KCNH1: variants seen among roughly 807,000 people sequenced by gnomAD.
KCNH1 encodes the protein potassium voltage-gated channel subfamily H member 1.
Under a neutral mutation model 69.2 loss-of-function variants are expected in KCNH1, and 27 were observed. That is an observed-to-expected ratio of 0.39 (90% CI 0.29 to 0.54). The LOEUF is 0.54. Among genes scored for constraint, KCNH1 ranks in the 20% least tolerant of loss-of-function variants. The pLI, the probability that KCNH1 is intolerant of heterozygous loss-of-function variation, is 0.68. For missense variants in KCNH1, 798 were observed against 1,261.6 expected (o/e 0.63, Z 5.57); for synonymous variants, 456 against 487.7 (o/e 0.93, Z 0.86).
chr1:210,685,945 CA>C (rs1681399919), intron 10 of KCNH1, among the ~76,000 whole-genome samples: 1 of 152,220 alleles, frequency 6.6e-6, no homozygotes, highest in Non-Finnish European at 1.5e-5. Context: ...AAGTTTCTGT[CA>C]CTGGCTGACT....
chr1:210,726,575 T>C lies in KCNH1; in HGVS notation c.2113-42437A>G, dbSNP rs372667657. Reference sequence around the variant, plus strand: ...GCTAGTTCACAGCCCAGAGACAAATTTTCTGTGGACAGAGCCTGTGCTCCC... The same window carrying C: ...GCTAGTTCACAGCCCAGAGACAAATCTTCTGTGGACAGAGCCTGTGCTCCC... On this transcript the variant is annotated intron_variant, in intron 10 of 10. Transcript: ENST00000271751. 1.6e-4 allele frequency among the ~76,000 whole-genome samples: 25 copies of C among 152,230 alleles called. No individual in the cohort carries two copies. In the East Asian group the frequency reaches 2.3e-3, roughly 14 times the overall value.
intron 7 of KCNH1, chr1:210,861,678 G>A (rs1685981751): frequency 1.3e-6 from 1 of 773,202 alleles, no homozygotes; most frequent in African/African-American, 1.7e-5. Flanking sequence ...AGAAGATCTT[G>A]AATATTTGTT....
chr1:211,086,259 G>A (rs968091784), intron 4 of KCNH1, among the ~76,000 whole-genome samples: 5 of 152,208 alleles, frequency 3.3e-5, no homozygotes, highest in Admixed American at 1.3e-4. Context: ...AAGGATAGGC[G>A]GTCCATTTCA....
chr1:210,739,422 C>G (rs545562674), intron 10 of KCNH1, among the ~76,000 whole-genome samples: 3 of 152,164 alleles, frequency 2.0e-5, no homozygotes, highest in Non-Finnish European at 2.9e-5. Flanking sequence ...GGGAGCCCCC[C>G]CAAGCAACAG....
chr1:210,842,915 C>T (rs1390627900), intron 7 of KCNH1, among the ~76,000 whole-genome samples: 2 of 152,306 alleles, frequency 1.3e-5, no homozygotes, highest in East Asian at 3.9e-4. Flanking sequence ...CAGTTTGCCA[C>T]AAGAACTCTA....
At position 210,679,935 on chromosome 1, in the gene KCNH1, G is replaced by T. The variant is rs549068894; in HGVS notation, c.*3346C>A. The T allele has an allele frequency of 1.4e-5, 2 of 147,684 alleles. No individual in the cohort carries two copies. The highest frequency in any genetic ancestry group is 1.3e-4 in the Admixed American group (2 of 14,864). 9.1% of individuals were successfully genotyped at this position (147,684 alleles called of 1,614,324 possible). On this transcript the variant is annotated 3_prime_UTR_variant, in exon 11 of 11. Coordinates refer to ENST00000271751, the MANE Select transcript of KCNH1 (RefSeq NM_172362.3). ...AACCTTATTAGCATAATGTAGCATT[G>T]CATTAATGCAATGAGTTGCATTCAT...
chr1:210,700,595 A>C (rs1156851530), intron 10 of KCNH1, among the ~76,000 whole-genome samples: 1 of 152,156 alleles, frequency 6.6e-6, no homozygotes, highest in Non-Finnish European at 1.5e-5. Context: ...TGCTATTTAC[A>C]TCTGTGGAAA....
At chr1:211,030,402 G>A (rs1289791875) in intron 5 of KCNH1, among the ~76,000 whole-genome samples, 1 of 152,074 alleles carries the variant, frequency 6.6e-6, no homozygotes, top group Admixed American at 6.6e-5. Context: ...TGTGGTATTG[G>A]AAAAAGAATA....
At chr1:211,041,945 G>A (rs1690003938) in intron 5 of KCNH1, among the ~76,000 whole-genome samples, 2 of 152,078 alleles carry the variant, frequency 1.3e-5, no homozygotes, top group Non-Finnish European at 2.9e-5. Flanking sequence ...GGTAGGGATG[G>A]GGTTTCATCA....
chr1:210,973,584 G>A (rs1468539406), intron 6 of KCNH1, among the ~76,000 whole-genome samples: 1 of 152,046 alleles, frequency 6.6e-6, no homozygotes, highest in East Asian at 1.9e-4. Flanking sequence ...TTAAAGGAAG[G>A]GAAAGTCAAC....
At chr1:211,062,772 G>T (rs1690452885) in intron 5 of KCNH1, among the ~76,000 whole-genome samples, 1 of 152,192 alleles carries the variant, frequency 6.6e-6, no homozygotes, top group African/African-American at 2.4e-5. Context: ...TGTAACCCCA[G>T]TTAAAATGGC....
At chr1:211,042,236 C>T (rs1490926256) in intron 5 of KCNH1, among the ~76,000 whole-genome samples, 4 of 152,202 alleles carry the variant, frequency 2.6e-5, no homozygotes, top group African/African-American at 9.7e-5. Flanking sequence ...CTTCTTTCTT[C>T]TGTTACTTTC....
At chr1:210,844,595 T>C (rs1156829016) in intron 7 of KCNH1, among the ~76,000 whole-genome samples, 1 of 152,174 alleles carries the variant, frequency 6.6e-6, no homozygotes, top group Non-Finnish European at 1.5e-5. Context: ...GAGGGAAATT[T>C]ATAGCACTAA....
intron 10 of KCNH1, among the ~76,000 whole-genome samples, chr1:210,721,272 C>CA (rs1682447629): frequency 1.3e-5 from 2 of 152,114 alleles, no homozygotes; most frequent in Non-Finnish European, 2.9e-5. Flanking sequence ...CTGCATAACC[C>CA]AGGCCCTACT....
chr1:210,776,698 TG>T (rs1252686292), intron 9 of KCNH1, among the ~76,000 whole-genome samples: 1 of 152,192 alleles, frequency 6.6e-6, no homozygotes, highest in Admixed American at 6.5e-5. Flanking sequence ...AATAAATTTC[TG>T]TTGTTTATAA....
intron 7 of KCNH1, among the ~76,000 whole-genome samples, chr1:210,864,160 A>G (rs1395403762): frequency 6.6e-6 from 1 of 152,078 alleles, no homozygotes; most frequent in Non-Finnish European, 1.5e-5. Flanking sequence ...TATGGCATGG[A>G]GTGGATGGTG....
intron 9 of KCNH1, among the ~76,000 whole-genome samples, chr1:210,794,585 C>T (rs1684270872): frequency 6.6e-6 from 1 of 152,172 alleles, no homozygotes; most frequent in Non-Finnish European, 1.5e-5. Flanking sequence ...TGAGAAGGGG[C>T]TAGGAAGCTG....
At chr1:211,054,443 T>A (rs1413565392) in intron 5 of KCNH1, among the ~76,000 whole-genome samples, 2 of 152,238 alleles carry the variant, frequency 1.3e-5, no homozygotes, top group East Asian at 3.9e-4. Flanking sequence ...ATGAAAGAGC[T>A]ACTCAAGGAT....
chr1:210,730,587 T>G (rs1019880746), intron 10 of KCNH1, among the ~76,000 whole-genome samples: 16 of 151,924 alleles, frequency 1.1e-4, no homozygotes, highest in African/African-American at 3.6e-4. Flanking sequence ...CTTTTCCAGC[T>G]TTTCCCCATG....
Sources: allele counts gnomAD v4.1 joint callset (sites outside exome capture counted in the v4.1 genomes callset), GRCh38; gene constraint gnomAD v4.1.1; transcripts MANE v1.5; gene names NCBI Gene and HGNC (gene_info 2026-07-23, HGNC 2026-07-21).